LDB2: variants seen among roughly 807,000 people sequenced by gnomAD.
LDB2 encodes LIM domain binding 2.
In LDB2, 12 loss-of-function variants were observed where a neutral mutation model predicts 44.3. The observed-to-expected ratio is 0.27, with a 90% CI of 0.17 to 0.44. LDB2 has a LOEUF of 0.44. Ranked by LOEUF, LDB2 falls within the 20% of genes least tolerant of loss-of-function variation. The probability of loss-of-function intolerance (pLI) is 1.00; values close to 1 mark genes in which losing one functional copy is unlikely to be tolerated. For synonymous variants in LDB2, 164 were observed against 174.8 expected, an observed-to-expected ratio of 0.94 and a Z score of 0.49; for missense variants, 344 against 473.5, an observed-to-expected ratio of 0.73 and a Z score of 2.54.
intron 5 of LDB2, among the ~76,000 whole-genome samples, chr4:16,528,456 A>C (rs10019178): frequency 6.6e-6 from 1 of 152,114 alleles, no homozygotes. Flanking sequence ...GATTACAAAC[A>C]TCATAATGAG....
intron 5 of LDB2, among the ~76,000 whole-genome samples, chr4:16,570,560 A>G (rs143038610): frequency 1.3e-4 from 19 of 149,146 alleles, no homozygotes; most frequent in African/African-American, 4.4e-4. Flanking sequence ...GGGTAAACTG[A>G]TGATTATGTA....
At chr4:16,652,220 T>C (rs1560762901) in intron 2 of LDB2, among the ~76,000 whole-genome samples, 1 of 152,160 alleles carries the variant, frequency 6.6e-6, no homozygotes, top group Non-Finnish European at 1.5e-5. Context: ...GTGTTATGTT[T>C]ACAGGTGTGA....
At chr4:16,580,360 T>G (rs1410222032) in intron 5 of LDB2, among the ~76,000 whole-genome samples, 1 of 152,176 alleles carries the variant, frequency 6.6e-6, no homozygotes, top group East Asian at 1.9e-4. Flanking sequence ...AAGTCAAATT[T>G]AAGCCCCCTG....
intron 1 of LDB2, among the ~76,000 whole-genome samples, chr4:16,809,997 C>G (rs962614474): frequency 6.6e-6 from 1 of 152,140 alleles, no homozygotes; most frequent in African/African-American, 2.4e-5. Context: ...TATTGACAAA[C>G]AGTTCATGAT....
intron 5 of LDB2, among the ~76,000 whole-genome samples, chr4:16,560,384 T>A (rs1029967556): frequency 2.0e-5 from 3 of 152,038 alleles, no homozygotes; most frequent in Non-Finnish European, 4.4e-5. Context: ...ATAAAGGGGA[T>A]ATCACCACCA....
intron 1 of LDB2, among the ~76,000 whole-genome samples, chr4:16,812,982 C>A (rs576134303): frequency 6.6e-6 from 1 of 151,658 alleles, no homozygotes; most frequent in African/African-American, 2.4e-5. Flanking sequence ...TTGAAGCAGG[C>A]GTGCCTCAGT....
intron 2 of LDB2, among the ~76,000 whole-genome samples, chr4:16,643,026 G>C (rs1365370073): frequency 6.6e-6 from 1 of 152,180 alleles, no homozygotes; most frequent in East Asian, 1.9e-4. Flanking sequence ...ATGCCTGGCA[G>C]AGCCACCTCT....
chr4:16,779,387 C>A (rs1772662760), intron 1 of LDB2, among the ~76,000 whole-genome samples: 1 of 152,214 alleles, frequency 6.6e-6, no homozygotes, highest in South Asian at 2.1e-4. Context: ...TCGAAGCATG[C>A]ATGGCCTGGG....
chr4:16,672,964 C>T (rs913005262), intron 2 of LDB2, among the ~76,000 whole-genome samples: 2 of 150,962 alleles, frequency 1.3e-5, no homozygotes, highest in African/African-American at 2.4e-5. Flanking sequence ...TTTCCTTTCT[C>T]CCTCCCTCCA....
intron 2 of LDB2, among the ~76,000 whole-genome samples, chr4:16,669,756 G>GTTC (rs1744239753): frequency 6.6e-6 from 1 of 152,300 alleles, no homozygotes; most frequent in South Asian, 2.1e-4. Context: ...ACCTGGGCTT[G>GTTC]TCCTGTTCCA....
At chr4:16,515,102 G>A (rs1442095492) in intron 5 of LDB2, among the ~76,000 whole-genome samples, 1 of 152,160 alleles carries the variant, frequency 6.6e-6, no homozygotes, top group Non-Finnish European at 1.5e-5. Flanking sequence ...ATACTACACA[G>A]CCATAAAAAA....
chr4:16,605,474 A>T (rs1343345292), intron 2 of LDB2, among the ~76,000 whole-genome samples: 1 of 152,026 alleles, frequency 6.6e-6, no homozygotes, highest in Non-Finnish European at 1.5e-5. Context: ...GCAAAAAACA[A>T]AAAAACAAAA....
intron 1 of LDB2, among the ~76,000 whole-genome samples, chr4:16,767,320 G>A (rs1260155564): frequency 6.6e-6 from 1 of 152,204 alleles, no homozygotes; most frequent in Non-Finnish European, 1.5e-5. Context: ...TAAAAGAGGA[G>A]TGTATATTAA....
chr4:16,521,306 G>C (rs1340807425), intron 5 of LDB2, among the ~76,000 whole-genome samples: 2 of 152,158 alleles, frequency 1.3e-5, no homozygotes, highest in Non-Finnish European at 2.9e-5. Flanking sequence ...GCTGGTGGCA[G>C]GCACCTGCAA....
At chr4:16,865,049 C>A (rs1336857461) in intron 1 of LDB2, among the ~76,000 whole-genome samples, 1 of 151,998 alleles carries the variant, frequency 6.6e-6, no homozygotes, top group Non-Finnish European at 1.5e-5. Context: ...AGTTAAGAGA[C>A]CTACCCACCT....
rs1054580476 is a variant in LDB2 at position 16,708,363 on chromosome 4, C to G, written c.235+50795G>C. Among the ~76,000 whole-genome samples, 14 of 152,200 alleles carry G rather than the reference C, an allele frequency of 9.2e-5. 1 individual carries two copies. Among genetic ancestry groups the G allele is most frequent in the East Asian group, 3.9e-4 (2 of 5,170 alleles). On this transcript the variant is annotated intron_variant, in intron 2 of 7. Transcript: ENST00000304523. The stretch of plus-strand genomic sequence containing the variant: ...TTGAAAATTAAAACACACACACACA[C>G]AGAGAACCCCCAATGGTCAGCCCAT...
At chr4:16,532,266 T>G (rs546772823) in intron 5 of LDB2, among the ~76,000 whole-genome samples, 2 of 152,342 alleles carry the variant, frequency 1.3e-5, no homozygotes, top group South Asian at 4.1e-4. Flanking sequence ...CCCTTCCATA[T>G]TTCCTTACCA....
intron 2 of LDB2, among the ~76,000 whole-genome samples, chr4:16,598,389 C>G (rs1166261751): frequency 6.6e-6 from 1 of 152,066 alleles, no homozygotes; most frequent in Non-Finnish European, 1.5e-5. Context: ...AGCCAGCAAC[C>G]CCAGCTGAGC....
At chr4:16,818,398 T>C (rs1190269174) in intron 1 of LDB2, among the ~76,000 whole-genome samples, 1 of 152,168 alleles carries the variant, frequency 6.6e-6, no homozygotes. Context: ...ACATTCTCAA[T>C]GGGAGAACTG....
Sources: gnomAD v4.1 joint callset for allele counts (sites outside exome capture counted in the v4.1 genomes callset) on GRCh38, gnomAD v4.1.1 for gene constraint, MANE v1.5 for transcripts, NCBI Gene and HGNC (gene_info 2026-07-23, HGNC 2026-07-21) for gene names.